Variants in ESR1 observed in about 807,000 individuals in gnomAD.
ESR1 encodes the protein estrogen receptor 1, also known as estrogen receptor.
Under a neutral mutation model 52.7 loss-of-function variants are expected in ESR1, and 12 were observed. That is an observed-to-expected ratio of 0.23 (90% CI 0.15 to 0.37). The LOEUF (loss-of-function observed/expected upper bound fraction) is 0.37, where lower values mean the gene tolerates loss of function less well. Ranked by LOEUF, ESR1 falls within the 10% of genes least tolerant of loss-of-function variation. The pLI is 1.00. For synonymous variants in ESR1, 305 were observed against 316.8 expected, an observed-to-expected ratio of 0.96 and a Z score of 0.39; for missense variants, 584 against 779.7, an observed-to-expected ratio of 0.75 and a Z score of 2.99.
intron 5 of ESR1, among the ~76,000 whole-genome samples, chr6:152,052,801 A>T (rs2046793542): frequency 6.6e-6 from 1 of 152,148 alleles, no homozygotes; most frequent in Non-Finnish European, 1.5e-5. Context: ...CCAAGCAGAC[A>T]GCACGGGCAA....
intron 6 of ESR1, among the ~76,000 whole-genome samples, chr6:152,120,142 G>A (rs2051273811): frequency 6.6e-6 from 1 of 152,202 alleles, no homozygotes; most frequent in Non-Finnish European, 1.5e-5. Context: ...ACAGTGATGT[G>A]GAGAAGAAAT....
rs1038665097 is a variant in ESR1, at chr6:152,101,736, G to A, written c.*2770G>A. On this transcript the variant is annotated 3_prime_UTR_variant, in exon 8 of 8. Coordinates refer to ENST00000206249, the MANE Select transcript of ESR1 (RefSeq NM_000125.4). ...GATTTATCTGGGGGGCTCAGGTATG[G>A]TGGGGAAGTGGATTCAGGAATCTGG... 1.5e-4 allele frequency: 34 copies of A among 230,578 alleles called. No individual in the cohort carries two copies. Among genetic ancestry groups the A allele is most frequent in the Middle Eastern group, 2.5e-3 (2 of 788 alleles). The allele number at this position is 230,578 out of a possible 1,614,324, so 14.3% of individuals were successfully genotyped here. A position where few individuals can be genotyped will look rare whatever the true frequency, so the allele number is the denominator to read the frequency against.
At chr6:151,819,893 T>C (rs781502915) in intron 1 of ESR1, among the ~76,000 whole-genome samples, 1 of 152,216 alleles carries the variant, frequency 6.6e-6, no homozygotes, top group Non-Finnish European at 1.5e-5. Flanking sequence ...CTAATTCATT[T>C]ATCATATTCA....
intron 1 of ESR1, among the ~76,000 whole-genome samples, 177 bp downstream of exon 1, chr6:151,808,541 C>T (rs1778260930): frequency 6.6e-6 from 1 of 152,118 alleles, no homozygotes. Flanking sequence ...GTGCAGCCCG[C>T]GCTGCGTTCA....
At chr6:151,730,904 C>A (rs1583046847) in intron 2 of ESR1, among the ~76,000 whole-genome samples, 1 of 152,134 alleles carries the variant, frequency 6.6e-6, no homozygotes, top group East Asian at 1.9e-4. Flanking sequence ...CTCTGTCTAG[C>A]CAAGCTGCTG....
At chr6:152,122,437 C>T (rs761433571) in intron 6 of ESR1, 3 of 1,614,090 alleles carry the variant, frequency 1.9e-6, no homozygotes, top group Non-Finnish European at 1.7e-6. Context: ...CTGCTTAGTT[C>T]AGAGTGGAGG....
downstream of ESR1, among the ~76,000 whole-genome samples, chr6:152,106,871 GC>G (rs2051072998): frequency 6.6e-6 from 1 of 152,172 alleles, no homozygotes; most frequent in South Asian, 2.1e-4. Flanking sequence ...CTCCCAAGGT[GC>G]TGAGATTACA....
intron 3 of ESR1, among the ~76,000 whole-genome samples, chr6:151,925,124 T>TTTTTTTTGTTTGTTTG (rs57450794): frequency 0.19 from 28,233 of 150,590 alleles, 4,274 homozygotes; most frequent in African/African-American, 0.41. Context: ...CAGCATCTGG[T>TTTTTTTTGTTTGTTTG]TTTTTTTGTT....
At chr6:151,985,523 A>C (rs1355033122) in intron 4 of ESR1, among the ~76,000 whole-genome samples, 10 of 139,290 alleles carry the variant, frequency 7.2e-5, no homozygotes, top group South Asian at 4.6e-4. Context: ...AAAAAAAAAA[A>C]AAAAAAAAAA....
intron 5 of ESR1, among the ~76,000 whole-genome samples, chr6:152,017,467 GGT>G (rs1366084386): frequency 6.6e-6 from 1 of 151,968 alleles, no homozygotes; most frequent in Non-Finnish European, 1.5e-5. Flanking sequence ...TTTCTCTTGG[GGT>G]GTGTGTGTCC....
chr6:152,036,423 T>G (rs1172452793), intron 5 of ESR1, among the ~76,000 whole-genome samples: 1 of 152,202 alleles, frequency 6.6e-6, no homozygotes, highest in African/African-American at 2.4e-5. Flanking sequence ...GAAAAATGGT[T>G]ACTTATTTTT....
At chr6:151,896,238 G>C (rs1795487535) in intron 3 of ESR1, among the ~76,000 whole-genome samples, 1 of 152,162 alleles carries the variant, frequency 6.6e-6, no homozygotes, top group African/African-American at 2.4e-5. Flanking sequence ...TCATCTTGTG[G>C]AATAGTGTCA....
intron 2 of ESR1, among the ~76,000 whole-genome samples, chr6:151,727,178 A>G (rs1781909011): frequency 6.6e-6 from 1 of 152,038 alleles, no homozygotes; most frequent in African/African-American, 2.4e-5. Flanking sequence ...TTTATTTACT[A>G]TGGTGAATTG....
intron 3 of ESR1, among the ~76,000 whole-genome samples, chr6:151,893,408 T>G (rs1331411623): frequency 1.3e-5 from 2 of 152,104 alleles, no homozygotes; most frequent in African/African-American, 4.8e-5. Context: ...TAGTTTATGC[T>G]TGATTCAGCA....
intron 2 of ESR1, among the ~76,000 whole-genome samples, chr6:151,873,800 G>C (rs1281622494): frequency 6.6e-6 from 1 of 152,188 alleles, no homozygotes; most frequent in Non-Finnish European, 1.5e-5. Flanking sequence ...AAGGAAGTCA[G>C]ATTTTGACAT....
At chr6:151,865,099 A>T (rs569047354) in intron 2 of ESR1, among the ~76,000 whole-genome samples, 156 of 152,290 alleles carry the variant, frequency 1.0e-3, no homozygotes, top group African/African-American at 3.3e-3. Context: ...AAAAATATTT[A>T]AAAAATCTAC....
Position 152,094,276 on chromosome 6 carries a change from T to C in ESR1, c.1370-109T>C. 1.1e-6 allele frequency: 1 copy of C among 921,008 alleles called. No individual in the cohort carries two copies. The highest frequency in any genetic ancestry group is 1.3e-5 in the South Asian group (1 of 76,546). The allele number at this position is 921,008 out of a possible 1,614,324, so 57.1% of individuals were successfully genotyped here. On this transcript the variant is annotated intron_variant, in intron 6 of 7. Transcript: ENST00000206249. This position sits in a 1 kb window ranked among gnomAD's most constrained non-coding sequence, Gnocchi z 4.6. ...CAGAGCATCCCCATTGCTAGACTAC[T>C]GTGCTGAGGAAGGGCACTGGCTCAT...
At chr6:151,756,050 A>G (rs1485118400) in intron 2 of ESR1, among the ~76,000 whole-genome samples, 1 of 152,140 alleles carries the variant, frequency 6.6e-6, no homozygotes, top group African/African-American at 2.4e-5. Flanking sequence ...TGCATTGAAC[A>G]TGCCTCTGAC....
upstream of ESR1, among the ~76,000 whole-genome samples, chr6:151,686,452 G>A (rs7756917): frequency 0.26 from 39,745 of 151,990 alleles, 7,414 homozygotes; most frequent in East Asian, 0.71. Context: ...TTGGGAGGCC[G>A]AGGCGGCCGG....
Sources: allele counts gnomAD v4.1 joint callset (sites outside exome capture counted in the v4.1 genomes callset), GRCh38; gene constraint gnomAD v4.1.1; non-coding constraint Gnocchi (gnomAD v3.1); transcripts MANE v1.5; gene names NCBI Gene and HGNC (gene_info 2026-07-23, HGNC 2026-07-21).